Variants in BTG4 observed in about 807,000 individuals in gnomAD.
The protein encoded by BTG4 is BTG anti-proliferation factor 4.
In BTG4, 10 loss-of-function variants were observed where a neutral mutation model predicts 19.3. That is an observed-to-expected ratio of 0.52 (90% CI 0.32 to 0.88). The LOEUF (loss-of-function observed/expected upper bound fraction) is 0.88, where lower values mean the gene tolerates loss of function less well. Ranked by LOEUF, BTG4 falls within the 40% of genes least tolerant of loss-of-function variation. BTG4 has a pLI of 0.04. For synonymous variants in BTG4, 91 were observed against 95.7 expected, an observed-to-expected ratio of 0.95 and a Z score of 0.29; for missense variants, 238 against 281.9, an observed-to-expected ratio of 0.84 and a Z score of 1.11.
At chr11:111,514,620 G>A (rs1867146603), upstream of BTG4, 1 of 619,004 alleles carries the variant, frequency 1.6e-6, no homozygotes, top group Non-Finnish European at 2.9e-6. Context: ...CACCGCAGGG[G>A]TGGGCTTCCG....
chr11:111,422,223 C>A, the BTG4 span, among the ~76,000 whole-genome samples: 1 of 152,206 alleles, frequency 6.6e-6, no homozygotes, highest in Non-Finnish European at 1.5e-5. Context: ...GTTCCTCCAG[C>A]TCTGAGCCAA....
chr11:111,479,136 C>CA (rs999995319), intron 5 of BTG4, among the ~76,000 whole-genome samples: 4 of 151,998 alleles, frequency 2.6e-5, no homozygotes, highest in African/African-American at 7.2e-5. Flanking sequence ...GACACCCTAC[C>CA]ACTAGAGGAA....
intron 3 of BTG4, among the ~76,000 whole-genome samples, chr11:111,497,699 T>C (rs936744186): frequency 6.6e-6 from 1 of 152,212 alleles, no homozygotes; most frequent in Non-Finnish European, 1.5e-5. Context: ...CCTATAACAC[T>C]TATCTGTTAT....
the BTG4 span, among the ~76,000 whole-genome samples, chr11:111,418,906 T>G: frequency 6.6e-6 from 1 of 152,176 alleles, no homozygotes; most frequent in Non-Finnish European, 1.5e-5. Context: ...GAAATTTACT[T>G]CCTCACCATT....
At chr11:111,465,971 T>C (rs1385688775), downstream of BTG4, among the ~76,000 whole-genome samples, 1 of 152,168 alleles carries the variant, frequency 6.6e-6, no homozygotes, top group East Asian at 1.9e-4. Context: ...TGGGTGAAAC[T>C]AGGAAGGGAA....
downstream of BTG4, among the ~76,000 whole-genome samples, chr11:111,491,314 G>A (rs763173281): frequency 6.6e-6 from 1 of 152,158 alleles, no homozygotes; most frequent in Non-Finnish European, 1.5e-5. Context: ...CTGTAGCAAT[G>A]TCAATATCTG....
the BTG4 span, among the ~76,000 whole-genome samples, chr11:111,389,423 AACTCT>A: frequency 6.6e-6 from 1 of 152,248 alleles, no homozygotes; most frequent in Non-Finnish European, 1.5e-5. Flanking sequence ...ATTAAGGATT[AACTCT>A]ACCTGAGGCA....
At chr11:111,467,418 G>C (rs959206297), downstream of BTG4, 11 of 434,644 alleles carry the variant, frequency 2.5e-5, no homozygotes, top group Non-Finnish European at 3.6e-5. Context: ...TGTATACTAA[G>C]CCTACTTACC....
chr11:111,491,368 G>A (rs1189251692), downstream of BTG4, among the ~76,000 whole-genome samples: 3 of 152,092 alleles, frequency 2.0e-5, no homozygotes, highest in South Asian at 6.2e-4. Flanking sequence ...TACCAAGGGG[G>A]AAAACTAGGT....
At chr11:111,456,650 C>T in the BTG4 span, 3 of 421,798 alleles carry the variant, frequency 7.1e-6, no homozygotes, top group South Asian at 5.0e-5. This position sits in a 1 kb window ranked among gnomAD's most constrained non-coding sequence, Gnocchi z 4.2. Context: ...TTCATCCACC[C>T]TGACACTGGG....
chr11:111,490,127 A>AG (rs1865323663), downstream of BTG4, among the ~76,000 whole-genome samples: 1 of 150,858 alleles, frequency 6.6e-6, no homozygotes, highest in East Asian at 2.0e-4. Flanking sequence ...CAAAAAAAAA[A>AG]AAAAATTAGC....
chr11:111,461,988 G>C, the BTG4 span: 134,030 of 152,946 alleles, frequency 0.88, 58,929 homozygotes, highest in East Asian at 1. Flanking sequence ...TGGGGCACCT[G>C]AGCCAGGAGC....
the BTG4 span, among the ~76,000 whole-genome samples, chr11:111,428,786 G>A: frequency 1.3e-5 from 2 of 152,172 alleles, no homozygotes; most frequent in Non-Finnish European, 2.9e-5. Flanking sequence ...CTACCAGTGT[G>A]AGAGGCAGGA....
upstream of BTG4, among the ~76,000 whole-genome samples, chr11:111,513,182 A>C (rs530185337): frequency 6.6e-6 from 1 of 152,342 alleles, no homozygotes; most frequent in Admixed American, 6.5e-5. Flanking sequence ...CTCCAGATAC[A>C]GTTAAACTGT....
At chr11:111,442,865 C>T in the BTG4 span, among the ~76,000 whole-genome samples, 1 of 152,180 alleles carries the variant, frequency 6.6e-6, no homozygotes, top group Non-Finnish European at 1.5e-5. Context: ...GATTAACTTA[C>T]GTTAATTTCA....
At chr11:111,503,439 A>G (rs61896880) in intron 1 of BTG4, among the ~76,000 whole-genome samples, 2,802 of 152,322 alleles carry the variant, frequency 0.018, 45 homozygotes, top group Non-Finnish European at 0.027. Context: ...CTGAAATTTG[A>G]ACAACTCTCC....
the BTG4 span, among the ~76,000 whole-genome samples, chr11:111,428,768 A>T: frequency 6.6e-6 from 1 of 152,138 alleles, no homozygotes; most frequent in Non-Finnish European, 1.5e-5. Flanking sequence ...GGAACAGGCT[A>T]CCAGGGTCTA....
chr11:111,407,705 A>G, the BTG4 span, among the ~76,000 whole-genome samples: 1 of 152,206 alleles, frequency 6.6e-6, no homozygotes, highest in Non-Finnish European at 1.5e-5. Flanking sequence ...ATTTGTCAAA[A>G]GCTCAAAAGC....
At chr11:111,498,984 ACAGCAATTCCTCAAATAGCC>A (rs1418359179) in intron 1 of BTG4, among the ~76,000 whole-genome samples, 182 bp from the exon 2 acceptor site, 1 of 152,192 alleles carries the variant, frequency 6.6e-6, no homozygotes, top group East Asian at 1.9e-4. Context: ...ACAGCCAAGA[ACAGCAATTCCTCAAATAGCC>A]CAGTTTTAAA....
Sources: allele counts gnomAD v4.1 joint callset (sites outside exome capture counted in the v4.1 genomes callset), GRCh38; gene constraint gnomAD v4.1.1; non-coding constraint Gnocchi (gnomAD v3.1); transcripts MANE v1.5; gene names NCBI Gene and HGNC (gene_info 2026-07-23, HGNC 2026-07-21).